ACLY: variants seen among roughly 807,000 people sequenced by gnomAD.
The protein encoded by ACLY is ATP-citrate synthase.
A neutral mutation model predicts 133.0 loss-of-function variants in ACLY; 41 were observed. That is an observed-to-expected ratio of 0.31 (90% confidence interval 0.24 to 0.40). ACLY has a LOEUF of 0.40. Ranked by LOEUF, ACLY falls within the 10% of genes least tolerant of loss-of-function variation. The probability of loss-of-function intolerance (pLI) is 1.00; values close to 1 mark genes in which losing one functional copy is unlikely to be tolerated. For missense variants in ACLY, 1,046 were observed against 1,453.8 expected, an observed-to-expected ratio of 0.72 and a Z score of 4.56; for synonymous variants, 495 against 549.3, an observed-to-expected ratio of 0.90 and a Z score of 1.38.
At chr17:41,908,563 A>G (rs375049619) in intron 6 of ACLY, among the ~76,000 whole-genome samples, 1 of 152,258 alleles carries the variant, frequency 6.6e-6, no homozygotes, top group East Asian at 1.9e-4. Context: ...CAGGAGTTCG[A>G]GACCAGCCTT....
rs1472150091 is a variant in ACLY at position 41,878,801 on chromosome 17, T to C, written c.2389A>G (p.Ile797Val). 1 of 1,613,820 alleles carries C rather than the reference T, an allele frequency of 6.2e-7. No homozygotes were observed. The highest frequency in any genetic ancestry group is 8.5e-7 in the Non-Finnish European group (1 of 1,179,902). Residue 797 changes from isoleucine (I) to valine (V), a missense_variant, in exon 21 of 29, where the codon ATC (isoleucine) becomes GTC (valine). Ile to Val is a conservative substitution (Grantham distance 29). Transcript: ENST00000352035. ...TCCTCCCCAAGGTCCACTTACTGGA[T>C]GATCTCTCCAAGCTCATCAAAGCTC... ...PRSFDELGEI[I>V]QSVYEDLVAN...
chr17:41,892,928 C>T (rs2049254813), intron 15 of ACLY, 105 bp downstream of exon 15: 10 of 1,434,210 alleles, frequency 7.0e-6, no homozygotes, highest in Admixed American at 2.1e-5. Context: ...GTTCTCCCAC[C>T]TCGACCTCCC....
At chr17:41,919,060 T>C (rs782378889), upstream of ACLY, 14 of 1,255,782 alleles carry the variant, frequency 1.1e-5, no homozygotes, top group South Asian at 2.6e-5. Flanking sequence ...ACGCGTTCCC[T>C]AGCCTGAGCG....
chr17:41,878,414 A>G (rs1555626550), intron 21 of ACLY, among the ~76,000 whole-genome samples: 1 of 152,170 alleles, frequency 6.6e-6, no homozygotes, highest in African/African-American at 2.4e-5. Context: ...ATGGCAAGGA[A>G]GGACACAGCC....
intron 2 of ACLY, among the ~76,000 whole-genome samples, chr17:41,913,153 A>C (rs1555633931): frequency 6.6e-6 from 1 of 152,220 alleles, no homozygotes; most frequent in Non-Finnish European, 1.5e-5. Context: ...GAGCTTTCTA[A>C]CAATGGCCCT....
upstream of ACLY, among the ~76,000 whole-genome samples, chr17:41,920,516 G>A (rs544377358): frequency 4.6e-5 from 7 of 150,872 alleles, no homozygotes; most frequent in South Asian, 6.3e-4. Context: ...GCTTAAACCC[G>A]GGAGGTGGAG....
intron 17 of ACLY, among the ~76,000 whole-genome samples, chr17:41,886,579 G>A (rs1448519463): frequency 6.6e-6 from 1 of 152,140 alleles, no homozygotes; most frequent in African/African-American, 2.4e-5. Flanking sequence ...CAGTGGCTCA[G>A]GTCTGTAATC....
At chr17:41,930,381 G>A (rs2050305420) in exon 1 of ACLY, 1 of 257,190 alleles carries the variant, frequency 3.9e-6, no homozygotes, top group South Asian at 4.5e-5. Flanking sequence ...TCCCTATTCG[G>A]AACTTTGCCT....
In ACLY at chr17:41,867,855, C is replaced by T. The variant is rs367827410; in HGVS notation, c.3261G>A (p.Pro1087=). The T allele has an allele frequency of 7.4e-6, 12 of 1,610,914 alleles. No individual in the cohort carries two copies. Among genetic ancestry groups the T allele is most frequent in the South Asian group, 4.4e-5 (4 of 90,624 alleles). The change falls in exon 29 of 29, where the codon CCG becomes CCA. Residue 1087 remains proline, a synonymous_variant. Coordinates refer to ENST00000352035, the MANE Select transcript of ACLY (RefSeq NM_001096.3). ...GAAGAACATATGAAATATCATCCCA[C>T]GGATGACGATACAGCCCCTGCTTCA... The part of the protein sequence containing the change: ...KRLKQGLYRH[P]WDDISYVLPE...
chr17:41,902,619 CTA>C (rs1371837892), intron 10 of ACLY, among the ~76,000 whole-genome samples: 28 of 152,342 alleles, frequency 1.8e-4, no homozygotes, highest in African/African-American at 6.5e-4. Context: ...ATTTTTGAGC[CTA>C]GAGTCTGACT....
chr17:41,869,345 T>C, intron 26 of ACLY, 129 bp downstream of exon 26: 2 of 879,456 alleles, frequency 2.3e-6, no homozygotes, highest in Non-Finnish European at 3.5e-6. Context: ...AATTTAGTTA[T>C]GAAACAAAAA....
chr17:41,898,769 G>C lies in ACLY; in HGVS notation c.1200C>G (p.Ile400Met). 1 of 1,613,842 alleles carries C rather than the reference G, an allele frequency of 6.2e-7. No individual in the cohort carries two copies. The highest frequency in any genetic ancestry group is 1.1e-5 in the South Asian group (1 of 91,008). ...VMGEVGKTTG[I>M]PIHVFGTETH... ...TCTCTGTGCCAAAGACATGGATGGG[G>C]ATCCCAGTGGTCTTCCCTGCAAGGG... is the stretch of plus-strand genomic sequence containing the variant. The change falls in exon 12 of 29, where the codon ATC (isoleucine) becomes ATG (methionine). Residue 400 changes from isoleucine to methionine, a missense_variant. This residue lies in a region of ACLY where 575 missense variants were observed against 804.2 expected (regional missense o/e 0.71). Transcript: ENST00000352035.
At position 41,904,789 on chromosome 17, in the gene ACLY, G is replaced by C; in HGVS notation, c.1005C>G (p.Gly335=). The C allele has an allele frequency of 6.2e-7, 1 of 1,613,712 alleles. No homozygotes were observed. ...TGCTGCCTCCAATGATGAGGATCTT[G>C]CCTGGATTTGGAGTAAGAGAGAATC... ...SLMTREKHPD[G]KILIIGGSIA... Residue 335 remains glycine (G), a splice_region_variant and synonymous_variant, in exon 10 of 29, where the codon GGC becomes GGG. Coordinates refer to ENST00000352035, the MANE Select transcript of ACLY (RefSeq NM_001096.3).
chr17:41,902,832 TTTTA>T (rs2049578708), intron 10 of ACLY, among the ~76,000 whole-genome samples: 1 of 152,192 alleles, frequency 6.6e-6, no homozygotes, highest in Non-Finnish European at 1.5e-5. Flanking sequence ...TGGCCCCACA[TTTTA>T]TTTATGTTTT....
chr17:41,874,325 TG>T (rs1187351289), intron 22 of ACLY, among the ~76,000 whole-genome samples: 2 of 152,176 alleles, frequency 1.3e-5, no homozygotes, highest in African/African-American at 4.8e-5. Context: ...TGGAGTACAC[TG>T]GTGAGACCAT....
chr17:41,881,727 G>A (rs1396719235), intron 20 of ACLY, among the ~76,000 whole-genome samples: 3 of 152,100 alleles, frequency 2.0e-5, no homozygotes, highest in African/African-American at 7.2e-5. Context: ...CTCCCGAGTA[G>A]CTGGCATTAT....
intron 19 of ACLY, among the ~76,000 whole-genome samples, chr17:41,883,509 T>C (rs528913969): frequency 6.6e-6 from 1 of 152,128 alleles, no homozygotes. Context: ...CCAAATTTTT[T>C]AGTATTTAGA....
At chr17:41,913,557 A>G (rs1555633993) in intron 2 of ACLY, among the ~76,000 whole-genome samples, 158 bp downstream of exon 2, 2 of 152,222 alleles carry the variant, frequency 1.3e-5, no homozygotes, top group Non-Finnish European at 2.9e-5. Context: ...AGGGCTCAGC[A>G]TGAACACAAA....
intron 23 of ACLY, among the ~76,000 whole-genome samples, chr17:41,873,099 G>A (rs2048639941): frequency 6.6e-6 from 1 of 152,058 alleles, no homozygotes; most frequent in South Asian, 2.1e-4. Flanking sequence ...CTAAGATTGG[G>A]AGTTGCAGAG....
Sources: allele counts gnomAD v4.1 joint callset (sites outside exome capture counted in the v4.1 genomes callset), GRCh38; gene constraint gnomAD v4.1.1; regional missense constraint gnomAD v4.1.1; transcripts MANE v1.5; gene names NCBI Gene and HGNC (gene_info 2026-07-23, HGNC 2026-07-21).